PIEZO2: variants seen among roughly 807,000 people sequenced by gnomAD.
The protein encoded by PIEZO2 is piezo type mechanosensitive ion channel component 2.
Under a neutral mutation model 337.3 loss-of-function variants are expected in PIEZO2, and 172 were observed. The ratio of observed to expected loss-of-function variants is 0.51; its 90% CI spans 0.45 to 0.58. The LOEUF (loss-of-function observed/expected upper bound fraction) is 0.58, where lower values mean the gene tolerates loss of function less well. PIEZO2 is among the 20% of genes least tolerant of loss of function. The probability of loss-of-function intolerance (pLI) is 0.00; values close to 1 mark genes in which losing one functional copy is unlikely to be tolerated. For synonymous variants in PIEZO2, 1,251 were observed against 1,228.5 expected, an observed-to-expected ratio of 1.02 and a Z score of -0.38; for missense variants, 3,028 against 3,391.3, an observed-to-expected ratio of 0.89 and a Z score of 2.66.
At chr18:10,761,765 A>C (rs1174699003) in intron 23 of PIEZO2, among the ~76,000 whole-genome samples, 3 of 152,198 alleles carry the variant, frequency 2.0e-5, no homozygotes, top group African/African-American at 4.8e-5. Flanking sequence ...AAAATCTAGA[A>C]GGTCCACAAA....
At position 10,895,836 on chromosome 18, in the gene PIEZO2, A is replaced by G. The variant is rs1319353584; in HGVS notation, c.329+15350T>C. ...CACTTTGGGAGGCTGAGGTGGGCAGATCACCTGAGGTCAGGAGTTCCAGAT... is the reference window on the plus strand; with the variant it reads ...CACTTTGGGAGGCTGAGGTGGGCAGGTCACCTGAGGTCAGGAGTTCCAGAT... On this transcript the variant is annotated intron_variant, in intron 4 of 55. Transcript: ENST00000674853. The surrounding 1 kb of genome is among the most constrained non-coding windows in gnomAD (Gnocchi z 4.8). Among the ~76,000 whole-genome samples, 1 of 152,138 alleles carries G rather than the reference A, an allele frequency of 6.6e-6. No individual in the cohort carries two copies. The highest frequency in any genetic ancestry group is 1.5e-5 in the Non-Finnish European group (1 of 68,028).
rs377661742 is a variant in PIEZO2, at chr18:11,035,912, G to T, written c.160+30215C>A. On this transcript the variant is annotated intron_variant, in intron 2 of 55. Coordinates refer to ENST00000674853, the MANE Select transcript of PIEZO2 (RefSeq NM_001378183.1). This position sits in a 1 kb window ranked among gnomAD's most constrained non-coding sequence, Gnocchi z 4.3. ...TCAGAGGAATGAACTCCAAATCTCT[G>T]CCACTTCCTATGTTTGCTTGTTAGC... 5.9e-5 allele frequency among the ~76,000 whole-genome samples: 9 copies of T among 152,282 alleles called. No individual in the cohort carries two copies. Among genetic ancestry groups the T allele is most frequent in the South Asian group, 2.1e-4 (1 of 4,824 alleles).
rs762281198 is a variant in PIEZO2 at position 10,855,488 on chromosome 18, C to A, written c.782G>T (p.Arg261Leu). 1.3e-6 allele frequency: 2 copies of A among 1,536,992 alleles called. No individual in the cohort carries two copies. Among genetic ancestry groups the A allele is most frequent in the South Asian group, 1.2e-5 (1 of 84,038 alleles). The change falls in exon 7 of 56, where the codon CGG (arginine) becomes CTG (leucine). Residue 261 changes from arginine (R) to leucine (L), a missense_variant. Around this residue, in one of 5 missense-constraint regions of PIEZO2, gnomAD observed 542 missense variants for 605.6 expected, o/e 0.89. Coordinates refer to ENST00000674853, the MANE Select transcript of PIEZO2 (RefSeq NM_001378183.1). The surrounding 1 kb of genome is among the most constrained non-coding windows in gnomAD (Gnocchi z 4.9). ...GCTGAACAGCAATGGGTCGAACGTC[C>A]GGCACCAGGACCACCAGGTGCACAG... ...LGLCTWWSWC[R>L]TFDPLLFSCL...
rs114102620 is a variant in PIEZO2 at position 11,120,832 on chromosome 18, C to T, written c.64+27693G>A. On this transcript the variant is annotated intron_variant, in intron 1 of 55. Coordinates refer to ENST00000674853, the MANE Select transcript of PIEZO2 (RefSeq NM_001378183.1). ...GTTGCATCTATGGATCTGGGACCTG[C>T]GGTCAGAGAAAGAATATATCTTTCC... Among the ~76,000 whole-genome samples the T allele has an allele frequency of 4.7e-3, 718 of 152,270 alleles. 6 individuals carry two copies. Among genetic ancestry groups the T allele is most frequent in the African/African-American group, 0.016 (668 of 41,554 alleles).
intron 1 of PIEZO2, among the ~76,000 whole-genome samples, chr18:11,121,977 G>A (rs1432899199): frequency 6.6e-6 from 1 of 150,828 alleles, no homozygotes; most frequent in Admixed American, 6.6e-5. Flanking sequence ...TTTTTGAGAT[G>A]GAGTCTTGCT....
chr18:10,868,337 G>A (rs2042057362), intron 5 of PIEZO2, among the ~76,000 whole-genome samples: 1 of 152,182 alleles, frequency 6.6e-6, no homozygotes, highest in African/African-American at 2.4e-5. Flanking sequence ...ATGCTGTGGT[G>A]TCAAAAATAA....
At chr18:10,909,334 G>A (rs1232103596) in intron 4 of PIEZO2, among the ~76,000 whole-genome samples, 1 of 152,166 alleles carries the variant, frequency 6.6e-6, no homozygotes, top group Non-Finnish European at 1.5e-5. Flanking sequence ...ATGAAAGGAA[G>A]CTGGAGGGGC....
chr18:10,831,521 G>T (rs1276556572), intron 7 of PIEZO2, among the ~76,000 whole-genome samples: 1 of 152,160 alleles, frequency 6.6e-6, no homozygotes, highest in Non-Finnish European at 1.5e-5. Flanking sequence ...GTTACCAGAG[G>T]CTAGGATGGG....
intron 27 of PIEZO2, among the ~76,000 whole-genome samples, chr18:10,757,117 T>A (rs951024012): frequency 2.7e-5 from 4 of 146,636 alleles, no homozygotes; most frequent in African/African-American, 1.0e-4. Context: ...GAAATGGGGA[T>A]AAGGATGAGG....
Position 10,716,399 on chromosome 18 carries a change from A to G in PIEZO2, c.5090-583T>C, listed in dbSNP as rs2036012567. On this transcript the variant is annotated intron_variant, in intron 37 of 55. Transcript: ENST00000674853. The surrounding 1 kb of genome is among the most constrained non-coding windows in gnomAD (Gnocchi z 4.1). Reference sequence around the variant, plus strand: ...TCTAGCTTCCTTATATAATATGTGTATATAGTGACATCTGATGTTCTGTGT... The same window carrying G: ...TCTAGCTTCCTTATATAATATGTGTGTATAGTGACATCTGATGTTCTGTGT... Among the ~76,000 whole-genome samples the G allele has an allele frequency of 6.6e-6, 1 of 152,172 alleles. No individual in the cohort carries two copies. The highest frequency in any genetic ancestry group is 2.4e-5 in the African/African-American group (1 of 41,428).
At chr18:10,790,737 G>A (rs1255565912) in intron 14 of PIEZO2, among the ~76,000 whole-genome samples, 3 of 138,350 alleles carry the variant, frequency 2.2e-5, no homozygotes, top group African/African-American at 8.0e-5. Flanking sequence ...AGGGAGACTC[G>A]CTCTGTCGCC....
intron 2 of PIEZO2, among the ~76,000 whole-genome samples, chr18:10,991,808 G>A (rs1167042045): frequency 2.6e-5 from 4 of 152,128 alleles, no homozygotes; most frequent in African/African-American, 9.7e-5. Flanking sequence ...TTGCCACACT[G>A]TCTTCCACAA....
chr18:10,720,236 A>G lies in PIEZO2; in HGVS notation c.5030-1977T>C, dbSNP rs202091011. ...TATATGAATATATGTGTGTGTGTGT[A>G]TATATATATATATGGAGCCCAGGTA... On this transcript the variant is annotated intron_variant, in intron 36 of 55. Transcript: ENST00000674853. Among the ~76,000 whole-genome samples the G allele has an allele frequency of 8.5e-3, 1,019 of 119,770 alleles. 47 individuals are homozygous for G. The highest frequency in any genetic ancestry group is 0.023 in the African/African-American group (729 of 32,080). 78.6% of individuals were successfully genotyped at this position (119,770 alleles called of 152,430 possible).
At chr18:10,974,372 A>G (rs561391043) in intron 3 of PIEZO2, among the ~76,000 whole-genome samples, 1 of 152,316 alleles carries the variant, frequency 6.6e-6, no homozygotes, top group South Asian at 2.1e-4. Flanking sequence ...GGAAAGAGCA[A>G]TGCATCTGAG....
At chr18:11,123,043 G>A (rs2040076083) in intron 1 of PIEZO2, among the ~76,000 whole-genome samples, 1 of 151,868 alleles carries the variant, frequency 6.6e-6, no homozygotes, top group Non-Finnish European at 1.5e-5. Context: ...CTGTCGGAAT[G>A]AACATATTTG....
At position 11,094,263 on chromosome 18, in the gene PIEZO2, C is replaced by A. The variant is rs1050132778; in HGVS notation, c.65-28041G>T. On this transcript the variant is annotated intron_variant, in intron 1 of 55. Transcript: ENST00000674853. The surrounding 1 kb of genome is among the most constrained non-coding windows in gnomAD (Gnocchi z 4.4). ...TTGAACGTATGTATGGTAGGTTAAT[C>A]CTCCCAAATCACTGGGGAAGCCATT... Among the ~76,000 whole-genome samples, 1 of 152,146 alleles carries A rather than the reference C, an allele frequency of 6.6e-6. No homozygotes were observed.
intron 33 of PIEZO2, chr18:10,738,687 A>G (rs965832944): frequency 6.6e-6 from 1 of 152,174 alleles, no homozygotes; most frequent in African/African-American, 2.4e-5. Flanking sequence ...CTGCTAAATT[A>G]CTAAGTTGGA....
At chr18:11,118,003 G>A (rs889379173) in intron 1 of PIEZO2, among the ~76,000 whole-genome samples, 2 of 152,158 alleles carry the variant, frequency 1.3e-5, no homozygotes, top group African/African-American at 2.4e-5. Context: ...CTAGTTGGAT[G>A]GCTAAAAGTT....
In PIEZO2 at chr18:10,773,038, T is replaced by A. The variant is rs1393483643; in HGVS notation, c.2785+374A>T. On this transcript the variant is annotated intron_variant, in intron 20 of 55. Coordinates refer to ENST00000674853, the MANE Select transcript of PIEZO2 (RefSeq NM_001378183.1). This position sits in a 1 kb window ranked among gnomAD's most constrained non-coding sequence, Gnocchi z 5.3. ...AAGTCTCAGAATGGTTTCTTGAGAATGCATTTGTAAGGGCGATGTCTAGAG... is the reference window on the plus strand; with the variant it reads ...AAGTCTCAGAATGGTTTCTTGAGAAAGCATTTGTAAGGGCGATGTCTAGAG... Among the ~76,000 whole-genome samples, 1 of 152,230 alleles carries A rather than the reference T, an allele frequency of 6.6e-6. No homozygotes were observed. Among genetic ancestry groups the A allele is most frequent in the Non-Finnish European group, 1.5e-5 (1 of 68,030 alleles).
Sources: allele counts gnomAD v4.1 joint callset (sites outside exome capture counted in the v4.1 genomes callset), GRCh38; gene constraint gnomAD v4.1.1; regional missense constraint gnomAD v4.1.1; non-coding constraint Gnocchi (gnomAD v3.1); transcripts MANE v1.5; gene names NCBI Gene and HGNC (gene_info 2026-07-23, HGNC 2026-07-21).